Variants in PDGFRA observed in about 807,000 individuals in gnomAD.
The protein encoded by PDGFRA is platelet derived growth factor receptor alpha, also known as platelet-derived growth factor receptor alpha.
Under a neutral mutation model 121.5 loss-of-function variants are expected in PDGFRA, and 25 were observed. That is an observed-to-expected ratio of 0.21 (90% confidence interval 0.15 to 0.29). The LOEUF is 0.29. Ranked by LOEUF, PDGFRA falls within the 10% of genes least tolerant of loss-of-function variation. PDGFRA has a pLI of 1.00. For synonymous variants in PDGFRA, 463 were observed against 494.8 expected (o/e 0.94, Z 0.85); for missense variants, 1,008 against 1,345.1 (o/e 0.75, Z 3.92).
chr4:54,234,648 T>C (rs1720911491), intron 1 of PDGFRA, among the ~76,000 whole-genome samples: 1 of 152,230 alleles, frequency 6.6e-6, no homozygotes, highest in South Asian at 2.1e-4. Flanking sequence ...TGGTTGTTAA[T>C]GCTTTGCATT....
At chr4:54,260,087 G>A (rs1176188436) in intron 2 of PDGFRA, among the ~76,000 whole-genome samples, 1 of 152,158 alleles carries the variant, frequency 6.6e-6, no homozygotes, top group African/African-American at 2.4e-5. Context: ...AAGCGAGACT[G>A]AAATTTGAGC....
At chr4:54,286,429 C>T (rs1724366744) in intron 18 of PDGFRA, among the ~76,000 whole-genome samples, 1 of 151,774 alleles carries the variant, frequency 6.6e-6, no homozygotes, top group Non-Finnish European at 1.5e-5. Context: ...AATCTTGGCT[C>T]ACTGCAAACT....
chr4:54,275,884 A>G (rs779755092), intron 12 of PDGFRA, among the ~76,000 whole-genome samples: 4 of 152,212 alleles, frequency 2.6e-5, no homozygotes, highest in Non-Finnish European at 5.9e-5. Context: ...TTTGAGAGGA[A>G]CTTAGTTTAT....
rs546356530 is a variant in PDGFRA at position 54,297,100 on chromosome 4, A to G, written c.*1828A>G. 4.3e-6 allele frequency: 1 copy of G among 233,240 alleles called. No homozygotes were observed. The highest frequency in any genetic ancestry group is 6.0e-5 in the East Asian group (1 of 16,584). 14.4% of individuals were successfully genotyped at this position (233,240 alleles called of 1,614,324 possible). A position where few individuals can be genotyped will look rare whatever the true frequency, so the allele number is the denominator to read the frequency against. ...AGCTCAGTGTTTTGGTGGAAAAAAC[A>G]TTTTAAGTTTTACTGATAATTTGAG... On this transcript the variant is annotated 3_prime_UTR_variant, in exon 23 of 23. Coordinates refer to ENST00000257290, the MANE Select transcript of PDGFRA (RefSeq NM_006206.6).
In PDGFRA at chr4:54,274,636, T is replaced by C. The variant is rs2110297225; in HGVS notation, c.1653+11T>C. 1.3e-6 allele frequency: 2 copies of C among 1,598,720 alleles called. No homozygotes were observed. Among genetic ancestry groups the C allele is most frequent in the Non-Finnish European group, 1.7e-6 (2 of 1,165,868 alleles). On this transcript the variant is annotated intron_variant, in intron 11 of 22. Transcript: ENST00000257290. ...GTCATTTGGAAACAGGTAGATATTT[T>C]CTCATAAAACTAAAGATCTTTGAAG...
intron 1 of PDGFRA, among the ~76,000 whole-genome samples, chr4:54,234,190 T>TG (rs1432845477): frequency 6.6e-6 from 1 of 152,182 alleles, no homozygotes; most frequent in Non-Finnish European, 1.5e-5. Context: ...ATGGGGATGA[T>TG]GGGGAGATGT....
chr4:54,250,051 G>A (rs759624561), intron 1 of PDGFRA, among the ~76,000 whole-genome samples: 5 of 152,166 alleles, frequency 3.3e-5, no homozygotes, highest in Non-Finnish European at 7.3e-5. Flanking sequence ...AACGTGAAAT[G>A]TGGCTTTCTC....
chr4:54,295,631 A>G lies in PDGFRA; in HGVS notation c.*359A>G. 1 of 392,894 alleles carries G rather than the reference A, an allele frequency of 2.5e-6. No homozygotes were observed. The highest frequency in any genetic ancestry group is 4.7e-6 in the Non-Finnish European group (1 of 211,608). 24.3% of individuals were successfully genotyped at this position (392,894 alleles called of 1,614,324 possible). A position where few individuals can be genotyped will look rare whatever the true frequency, so the allele number is the denominator to read the frequency against. On this transcript the variant is annotated 3_prime_UTR_variant, in exon 23 of 23. Coordinates refer to ENST00000257290, the MANE Select transcript of PDGFRA (RefSeq NM_006206.6). The stretch of plus-strand genomic sequence containing the variant: ...CAGAACTTCAGCATTGTAATTATGT[A>G]AATAACTCTAACCAAGGCTGTGTTT...
rs112011523 is a variant in PDGFRA at position 54,249,012 on chromosome 4, C to G, written c.-12-9745C>G. Among the ~76,000 whole-genome samples the G allele has an allele frequency of 1.5e-4, 23 of 152,294 alleles. 1 individual carries two copies. Among genetic ancestry groups the G allele is most frequent in the African/African-American group, 5.5e-4 (23 of 41,564 alleles). On this transcript the variant is annotated intron_variant, in intron 1 of 22. Coordinates refer to ENST00000257290, the MANE Select transcript of PDGFRA (RefSeq NM_006206.6). ...ATCAGAGAAATGCAAATCAAAACCA[C>G]AATGAGATAGCATCTCACACCAGTT...
rs1371973754 is a variant in PDGFRA at position 54,290,537 on chromosome 4, C to A, written c.3105C>A (p.Gly1035=). 6.2e-7 allele frequency: 1 copy of A among 1,614,188 alleles called. No homozygotes were observed. Among genetic ancestry groups the A allele is most frequent in the Non-Finnish European group, 8.5e-7 (1 of 1,180,012 alleles). ...CTGTCCCTGAGGAGGAGGACCTGGGCAAGAGGAACAGACACAGGTAGCTGT... is the reference window on the plus strand; with the variant it reads ...CTGTCCCTGAGGAGGAGGACCTGGGAAAGAGGAACAGACACAGGTAGCTGT... The part of the protein sequence containing the change: ...IDPVPEEEDL[G]KRNRHSSQTS... Residue 1035 remains glycine (G), a synonymous_variant, in exon 22 of 23, where the codon GGC becomes GGA. Coordinates refer to ENST00000257290, the MANE Select transcript of PDGFRA (RefSeq NM_006206.6).
At chr4:54,232,616 G>A (rs1195510481) in intron 1 of PDGFRA, among the ~76,000 whole-genome samples, 4 of 152,166 alleles carry the variant, frequency 2.6e-5, no homozygotes, top group Admixed American at 6.5e-5. Flanking sequence ...CAAGAGTCTC[G>A]CTCTGTCGCC....
intron 1 of PDGFRA, among the ~76,000 whole-genome samples, chr4:54,234,231 T>C (rs1720879468): frequency 6.6e-6 from 1 of 151,028 alleles, no homozygotes; most frequent in African/African-American, 2.4e-5. Flanking sequence ...CCGAGGAGAT[T>C]TAGCCATTTT....
chr4:54,257,362 G>A (rs529413787), intron 1 of PDGFRA, among the ~76,000 whole-genome samples: 26 of 152,302 alleles, frequency 1.7e-4, no homozygotes, highest in African/African-American at 4.6e-4. Flanking sequence ...GTTAAGCAGC[G>A]TGGCTGTTCT....
At chr4:54,273,323 A>T (rs1560478463) in intron 9 of PDGFRA, among the ~76,000 whole-genome samples, 5 of 152,236 alleles carry the variant, frequency 3.3e-5, no homozygotes, top group African/African-American at 7.2e-5. Context: ...CTATGTAAAC[A>T]CTTAGCTTTC....
intron 18 of PDGFRA, 80 bp downstream of exon 18, chr4:54,286,043 T>G: frequency 7.0e-7 from 1 of 1,428,006 alleles, no homozygotes; most frequent in East Asian, 2.3e-5. Flanking sequence ...TTCTAGAGAT[T>G]CGGTGCCTGT....
intron 1 of PDGFRA, among the ~76,000 whole-genome samples, chr4:54,239,109 A>T (rs751249990): frequency 4.6e-5 from 7 of 152,240 alleles, no homozygotes; most frequent in Admixed American, 2.6e-4. Flanking sequence ...CACTAATTAT[A>T]ATGCATTAGC....
rs1038766927 is a variant in PDGFRA at position 54,272,474 on chromosome 4, A to T, written c.1318A>T (p.Thr440Ser). Residue 440 changes from threonine (T) to serine (S), a missense_variant, in exon 9 of 23, where the codon ACG becomes TCG. Physicochemically the swap from Thr to Ser is moderately conservative, Grantham distance 58. Coordinates refer to ENST00000257290, the MANE Select transcript of PDGFRA (RefSeq NM_006206.6). ...GACGGTGAGGTGCACAGCTGAAGGC[A>T]CGCCGCTTCCTGATATTGAGTGGAT... ...GQTVRCTAEG[T>S]PLPDIEWMIC... 6.2e-7 allele frequency: 1 copy of T among 1,614,002 alleles called. No homozygotes were observed. Among genetic ancestry groups the T allele is most frequent in the African/African-American group, 1.3e-5 (1 of 74,938 alleles).
At chr4:54,281,607 T>C in intron 16 of PDGFRA, 1 of 1,354,710 alleles carries the variant, frequency 7.4e-7, no homozygotes, top group Non-Finnish European at 9.7e-7. Flanking sequence ...TGGCACGAGA[T>C]GTCAGAGGAA....
intron 1 of PDGFRA, among the ~76,000 whole-genome samples, chr4:54,257,813 C>A (rs149781187): frequency 1.3e-5 from 2 of 152,186 alleles, no homozygotes; most frequent in African/African-American, 4.8e-5. Context: ...GTGGTTTTAC[C>A]CCAGGGCAAC....
Sources: gnomAD v4.1 joint callset for allele counts (sites outside exome capture counted in the v4.1 genomes callset) on GRCh38, gnomAD v4.1.1 for gene constraint, MANE v1.5 for transcripts, NCBI Gene and HGNC (gene_info 2026-07-23, HGNC 2026-07-21) for gene names.